The following PRSS21 variants were observed in gnomAD, a reference collection of about 807,000 sequenced individuals.
PRSS21 encodes the protein testisin.
PRSS21 carries 40 observed loss-of-function variants against 31.1 expected under a neutral mutation model. The observed-to-expected ratio is 1.29, with a 90% CI of 1.00 to 1.68. The LOEUF is 1.68. PRSS21 is among the 40% of genes most tolerant of loss of function. PRSS21 has a pLI of 0.00. For synonymous variants in PRSS21, 186 were observed against 167.7 expected, an observed-to-expected ratio of 1.11 and a Z score of -0.84; for missense variants, 467 against 412.6, an observed-to-expected ratio of 1.13 and a Z score of -1.14.
In PRSS21 at chr16:2,821,361, C is replaced by T. The variant is rs767129266; in HGVS notation, c.706-5C>T. On this transcript the variant is annotated splice_polypyrimidine_tract_variant and splice_region_variant and intron_variant, in intron 5 of 5. Transcript: ENST00000005995. ...CAGGCTGACCTCAGCCCCGCTGCTC[C>T]CCAGGGTGACTCAGGTGGACCCTTG... 14 of 1,614,068 alleles carry T rather than the reference C, an allele frequency of 8.7e-6. No individual in the cohort carries two copies. Among genetic ancestry groups the T allele is most frequent in the Non-Finnish European group, 1.2e-5 (14 of 1,179,960 alleles).
chr16:2,818,062 G>C (rs1486291740), intron 3 of PRSS21, 96 bp downstream of exon 3: 35 of 1,424,136 alleles, frequency 2.5e-5, no homozygotes, highest in South Asian at 4.1e-5. Flanking sequence ...TGCCAGACTT[G>C]GGCGTGAAAG....
chr16:2,817,403 C>G lies in PRSS21; in HGVS notation c.65-27C>G, dbSNP rs763326974. 1.3e-6 allele frequency: 2 copies of G among 1,595,034 alleles called. No individual in the cohort carries two copies. The highest frequency in any genetic ancestry group is 1.7e-6 in the Non-Finnish European group (2 of 1,175,290). ...TGGGGAGGACGGGAGGTGGAGGCCG[C>G]GGGGAGTCACTTCTTGTCTCCCGCA... On this transcript the variant is annotated intron_variant, in intron 1 of 5. Coordinates refer to ENST00000005995, the MANE Select transcript of PRSS21 (RefSeq NM_006799.4). This position sits in a 1 kb window ranked among gnomAD's most constrained non-coding sequence, Gnocchi z 4.2.
At chr16:2,819,971 A>G (rs188865398) in intron 4 of PRSS21, among the ~76,000 whole-genome samples, 97 of 152,170 alleles carry the variant, frequency 6.4e-4, no homozygotes, top group Admixed American at 1.1e-3. Context: ...CTTGCTGCAA[A>G]CACGAGTGGA....
chr16:2,818,097 T>G, intron 3 of PRSS21, 131 bp downstream of exon 3: 1 of 1,183,580 alleles, frequency 8.4e-7, no homozygotes, highest in Non-Finnish European at 1.2e-6. Flanking sequence ...GGCCTGGTGT[T>G]CTCCTGAGCC....
Position 2,817,370 on chromosome 16 carries a change from G to A in PRSS21, c.64+38G>A, listed in dbSNP as rs111398716. 8.3e-5 allele frequency: 131 copies of A among 1,579,906 alleles called. No individual in the cohort carries two copies. The highest frequency in any genetic ancestry group is 4.5e-4 in the Middle Eastern group (2 of 4,424). On this transcript the variant is annotated intron_variant, in intron 1 of 5. Transcript: ENST00000005995. This position sits in a 1 kb window ranked among gnomAD's most constrained non-coding sequence, Gnocchi z 4.2. ...CGCTGCTGGCGGGATGGGGAGGCGGGGGAGCGGTGGGGAGGACGGGAGGTG... is the reference window on the plus strand; with the variant it reads ...CGCTGCTGGCGGGATGGGGAGGCGGAGGAGCGGTGGGGAGGACGGGAGGTG...
Position 2,817,525 on chromosome 16 carries a change from GGTAGA to G in PRSS21, c.91+71_91+75del. Reference sequence around the variant, plus strand: ...CGAGGTGGACGGGGGGCGGTGAGGGGGTAGAGGGGGGCCTTTACTGCTCTCTCGCC... The same window carrying G: ...CGAGGTGGACGGGGGGCGGTGAGGGGGGGGGGCCTTTACTGCTCTCTCGCC... On this transcript the variant is annotated intron_variant, in intron 2 of 5. Coordinates refer to ENST00000005995, the MANE Select transcript of PRSS21 (RefSeq NM_006799.4). The surrounding 1 kb of genome is among the most constrained non-coding windows in gnomAD (Gnocchi z 4.2). 2 of 1,178,730 alleles carry G rather than the reference GGTAGA, an allele frequency of 1.7e-6. No individual in the cohort carries two copies. Among genetic ancestry groups the G allele is most frequent in the Non-Finnish European group, 2.3e-6 (2 of 869,884 alleles). 73.0% of individuals were successfully genotyped at this position (1,178,730 alleles called of 1,614,324 possible).
At position 2,817,514 on chromosome 16, in the gene PRSS21, G is replaced by T; in HGVS notation, c.91+58G>T. On this transcript the variant is annotated intron_variant, in intron 2 of 5. Coordinates refer to ENST00000005995, the MANE Select transcript of PRSS21 (RefSeq NM_006799.4). The surrounding 1 kb of genome is among the most constrained non-coding windows in gnomAD (Gnocchi z 4.2). ...GGCCGTTGGGCCGAGGTGGACGGGG[G>T]GCGGTGAGGGGGTAGAGGGGGGCCT... is the stretch of plus-strand genomic sequence containing the variant. The T allele has an allele frequency of 7.3e-7, 1 of 1,369,784 alleles. No homozygotes were observed. The highest frequency in any genetic ancestry group is 9.8e-7 in the Non-Finnish European group (1 of 1,023,976). 84.9% of individuals were successfully genotyped at this position (1,369,784 alleles called of 1,614,324 possible). A position where few individuals can be genotyped will look rare whatever the true frequency, so the allele number is the denominator to read the frequency against.
rs1463078499 is a variant in PRSS21 at position 2,817,781 on chromosome 16, A to G, written c.92-20A>G. The G allele has an allele frequency of 2.6e-6, 4 of 1,544,950 alleles. No individual in the cohort carries two copies. The East Asian group carries it at 9.8e-5, about 38-fold the overall frequency. On this transcript the variant is annotated intron_variant, in intron 2 of 5. Coordinates refer to ENST00000005995, the MANE Select transcript of PRSS21 (RefSeq NM_006799.4). The surrounding 1 kb of genome is among the most constrained non-coding windows in gnomAD (Gnocchi z 4.2). ...GGGGGGCTGCCTCCCGCGGCTCAGCAGTTCCTCTGACCATCCGAGGACCAT... is the reference window on the plus strand; with the variant it reads ...GGGGGGCTGCCTCCCGCGGCTCAGCGGTTCCTCTGACCATCCGAGGACCAT...
intron 3 of PRSS21, among the ~76,000 whole-genome samples, chr16:2,818,412 A>G (rs886491283): frequency 6.6e-6 from 1 of 152,094 alleles, no homozygotes. Context: ...CTTGGGCTGC[A>G]TGGGGGTGCC....
chr16:2,821,599 G>A lies in PRSS21; in HGVS notation c.939G>A (p.Pro313=), dbSNP rs139688277. The part of the protein sequence containing the change: ...PLLWALPLLG[P]V The stretch of plus-strand genomic sequence containing the variant: ...TCTGGGCTCTCCCACTCCTGGGGCC[G>A]GTCTGAGCCTACCTGAGCCCATGCA... Residue 313 remains proline (P), a synonymous_variant, in exon 6 of 6, where the codon CCG becomes CCA. Transcript: ENST00000005995. The A allele has an allele frequency of 2.3e-5, 37 of 1,612,044 alleles. No individual in the cohort carries two copies. In the African/African-American group the frequency reaches 4.0e-4, roughly 17 times the overall value.
In PRSS21 at chr16:2,821,683, A is replaced by G; in HGVS notation, c.*78A>G. ...TCTTCTGTCTTGTTTGGTAATAAAC[A>G]CATTCCAGTTGATGCCTTGCAGGGC... is the stretch of plus-strand genomic sequence containing the variant. On this transcript the variant is annotated 3_prime_UTR_variant, in exon 6 of 6. Transcript: ENST00000005995. The G allele has an allele frequency of 1.3e-6, 2 of 1,515,408 alleles. No individual in the cohort carries two copies. Among genetic ancestry groups the G allele is most frequent in the South Asian group, 2.4e-5 (2 of 82,890 alleles). The allele number at this position is 1,515,408 out of a possible 1,614,324, so 93.9% of individuals were successfully genotyped here.
chr16:2,817,701 C>T lies in PRSS21; in HGVS notation c.92-100C>T. ...CACACGCGAGGGGACCCTGGGTGGG[C>T]AAAAACGTGCTTTCCCGGACGGGGT... On this transcript the variant is annotated intron_variant, in intron 2 of 5. Transcript: ENST00000005995. This position sits in a 1 kb window ranked among gnomAD's most constrained non-coding sequence, Gnocchi z 4.2. 4.1e-6 allele frequency: 6 copies of T among 1,454,154 alleles called. No individual in the cohort carries two copies. The highest frequency in any genetic ancestry group is 5.5e-6 in the Non-Finnish European group (6 of 1,087,254). 90.1% of individuals were successfully genotyped at this position (1,454,154 alleles called of 1,614,324 possible). A position where few individuals can be genotyped will look rare whatever the true frequency, so the allele number is the denominator to read the frequency against.
chr16:2,818,607 G>A (rs2069118510), intron 3 of PRSS21, 70 bp from the exon 4 acceptor site: 2 of 1,478,412 alleles, frequency 1.4e-6, no homozygotes, highest in Admixed American at 3.5e-5. Context: ...CTCCTGCACT[G>A]GACCCCAGTT....
At chr16:2,821,256 G>T in intron 5 of PRSS21, 110 bp from the exon 6 acceptor site, 1 of 1,533,468 alleles carries the variant, frequency 6.5e-7, no homozygotes. Context: ...CCAGGGGGAG[G>T]AGGAGGATGT....
Position 2,818,929 on chromosome 16 carries a change from C to G in PRSS21, c.510C>G (p.Asp170Glu). The G allele has an allele frequency of 6.2e-7, 1 of 1,614,240 alleles. No individual in the cohort carries two copies. Among genetic ancestry groups the G allele is most frequent in the African/African-American group, 1.3e-5 (1 of 75,068 alleles). ...ASTFEFENRT[D>E]CWVTGWGYIK... is the part of the protein sequence containing the mutation. ...CATTTGAGTTTGAGAACCGGACAGACTGCTGGGTGACTGGCTGGGGGTACA... is the reference window on the plus strand; with the variant it reads ...CATTTGAGTTTGAGAACCGGACAGAGTGCTGGGTGACTGGCTGGGGGTACA... The change falls in exon 4 of 6, where the codon GAC becomes GAG. Residue 170 changes from aspartate (D) to glutamate (E), a missense_variant. By Grantham distance (45) the Asp-to-Glu change is conservative. Coordinates refer to ENST00000005995, the MANE Select transcript of PRSS21 (RefSeq NM_006799.4).
At chr16:2,820,479 T>A (rs1242103860) in intron 4 of PRSS21, among the ~76,000 whole-genome samples, 1 of 152,124 alleles carries the variant, frequency 6.6e-6, no homozygotes, top group African/African-American at 2.4e-5. Context: ...GAGTAGGTCC[T>A]GATGACTGCC....
chr16:2,818,146 C>T (rs77539248), intron 3 of PRSS21, among the ~76,000 whole-genome samples, 180 bp downstream of exon 3: 1,977 of 152,278 alleles, frequency 0.013, 40 homozygotes, highest in African/African-American at 0.045. Flanking sequence ...ACTCCAGTTC[C>T]CTTTGGGTCT....
Position 2,821,354 on chromosome 16 carries a change from G to A in PRSS21, c.706-12G>A, listed in dbSNP as rs758125817. The A allele has an allele frequency of 2.7e-5, 44 of 1,613,474 alleles. No individual in the cohort carries two copies. Among genetic ancestry groups the A allele is most frequent in the Non-Finnish European group, 3.4e-5 (40 of 1,179,654 alleles). ...TCTGCCCCAGGCTGACCTCAGCCCC[G>A]CTGCTCCCCAGGGTGACTCAGGTGG... On this transcript the variant is annotated splice_polypyrimidine_tract_variant and intron_variant, in intron 5 of 5. Coordinates refer to ENST00000005995, the MANE Select transcript of PRSS21 (RefSeq NM_006799.4).
intron 4 of PRSS21, among the ~76,000 whole-genome samples, chr16:2,820,376 T>G (rs1459639891): frequency 6.6e-6 from 1 of 152,218 alleles, no homozygotes; most frequent in East Asian, 1.9e-4. Context: ...AGGCAGGAAT[T>G]GGACAGGTGT....
Sources: gnomAD v4.1 joint callset for allele counts (sites outside exome capture counted in the v4.1 genomes callset) on GRCh38, gnomAD v4.1.1 for gene constraint, Gnocchi (gnomAD v3.1) non-coding constraint, MANE v1.5 for transcripts, NCBI Gene and HGNC (gene_info 2026-07-23, HGNC 2026-07-21) for gene names.